KLHL29: variants seen among roughly 807,000 people sequenced by gnomAD.
KLHL29 encodes the protein kelch like family member 29.
Under a neutral mutation model 80.4 loss-of-function variants are expected in KLHL29, and 21 were observed. The observed-to-expected ratio is 0.26, with a 90% CI of 0.19 to 0.38. The LOEUF (loss-of-function observed/expected upper bound fraction) is 0.38. KLHL29 is among the 10% of genes least tolerant of loss of function. The probability of loss-of-function intolerance (pLI) is 1.00; values close to 1 mark genes in which losing one functional copy is unlikely to be tolerated. For missense variants in KLHL29, 867 were observed against 1,223.9 expected (o/e 0.71, Z 4.35); for synonymous variants, 511 against 526.8 (o/e 0.97, Z 0.41).
At chr2:23,666,616 A>C (rs1408855354) in intron 5 of KLHL29, among the ~76,000 whole-genome samples, 4 of 152,230 alleles carry the variant, frequency 2.6e-5, no homozygotes, top group African/African-American at 9.6e-5. Flanking sequence ...CTGGATATGC[A>C]AGGAGAGTCC....
At chr2:23,659,499 C>G (rs1670344734) in intron 5 of KLHL29, among the ~76,000 whole-genome samples, 1 of 152,190 alleles carries the variant, frequency 6.6e-6, no homozygotes, top group Non-Finnish European at 1.5e-5. Flanking sequence ...ATCTTCACTT[C>G]CATTCTCAGC....
At chr2:23,686,433 C>A (rs1418662168) in intron 6 of KLHL29, among the ~76,000 whole-genome samples, 1 of 152,070 alleles carries the variant, frequency 6.6e-6, no homozygotes, top group Admixed American at 6.5e-5. Context: ...TCCTCTCCTG[C>A]GCCCTGGGCT....
chr2:23,673,311 CAAG>C (rs1670820971), intron 5 of KLHL29, among the ~76,000 whole-genome samples: 1 of 150,164 alleles, frequency 6.7e-6, no homozygotes, highest in South Asian at 2.1e-4. Flanking sequence ...GCACTGTACA[CAAG>C]AGGACACACA....
chr2:23,489,045 A>G (rs1274593622), intron 2 of KLHL29, among the ~76,000 whole-genome samples: 1 of 152,196 alleles, frequency 6.6e-6, no homozygotes, highest in Non-Finnish European at 1.5e-5. Context: ...ACAGAAAATA[A>G]AAGTATTGTT....
chr2:23,523,492 C>T (rs1317288384), intron 2 of KLHL29, among the ~76,000 whole-genome samples: 5 of 152,212 alleles, frequency 3.3e-5, no homozygotes, highest in Non-Finnish European at 5.9e-5. Flanking sequence ...AGCTTCCCCC[C>T]GCCAAAATCC....
At chr2:23,643,177 C>G in intron 5 of KLHL29, 1 of 497,312 alleles carries the variant, frequency 2.0e-6, no homozygotes, top group Non-Finnish European at 3.8e-6. Flanking sequence ...AAGGCCAGGC[C>G]AAGCTGCAAA....
intron 3 of KLHL29, among the ~76,000 whole-genome samples, chr2:23,578,055 T>C (rs1381635237): frequency 6.6e-6 from 1 of 152,186 alleles, no homozygotes; most frequent in African/African-American, 2.4e-5. Flanking sequence ...CTCCCTATCA[T>C]TGGAGTGTTG....
At chr2:23,566,923 T>C (rs1007696745) in intron 3 of KLHL29, among the ~76,000 whole-genome samples, 4 of 151,402 alleles carry the variant, frequency 2.6e-5, no homozygotes, top group Non-Finnish European at 5.9e-5. Context: ...TGTCCCCCCC[T>C]GGTGGTTGGT....
intron 1 of KLHL29, among the ~76,000 whole-genome samples, chr2:23,391,721 T>C (rs1457309597): frequency 2.0e-5 from 3 of 152,196 alleles, no homozygotes; most frequent in African/African-American, 7.2e-5. Flanking sequence ...TTATAGGCAT[T>C]AGCCACCGCG....
chr2:23,451,344 T>A (rs1243969861), intron 1 of KLHL29, among the ~76,000 whole-genome samples: 1 of 152,200 alleles, frequency 6.6e-6, no homozygotes, highest in East Asian at 1.9e-4. Context: ...TCATCATCTT[T>A]CTTGTCCTGT....
chr2:23,480,448 C>T (rs1044605565), intron 2 of KLHL29, among the ~76,000 whole-genome samples: 2 of 152,010 alleles, frequency 1.3e-5, no homozygotes, highest in African/African-American at 2.4e-5. Flanking sequence ...GATCGCACCA[C>T]TGCACCACTC....
At chr2:23,611,075 A>G (rs190449312) in intron 3 of KLHL29, among the ~76,000 whole-genome samples, 35 of 152,264 alleles carry the variant, frequency 2.3e-4, no homozygotes, top group African/African-American at 7.0e-4. Context: ...AAAATGATCA[A>G]TGAGGAAATG....
chr2:23,471,049 C>T (rs374357013), intron 1 of KLHL29, among the ~76,000 whole-genome samples: 6 of 152,174 alleles, frequency 3.9e-5, no homozygotes, highest in Non-Finnish European at 5.9e-5. Context: ...TCAGAGGTGC[C>T]GCAGAGTCCC....
intron 2 of KLHL29, chr2:23,507,165 G>A (rs747883080): frequency 3.5e-5 from 14 of 404,614 alleles, no homozygotes; most frequent in South Asian, 1.1e-4. Flanking sequence ...GCTCACTCCC[G>A]TGCATGCCAT....
chr2:23,665,116 G>C (rs1318770243), intron 5 of KLHL29, among the ~76,000 whole-genome samples: 1 of 152,250 alleles, frequency 6.6e-6, no homozygotes, highest in Admixed American at 6.5e-5. Context: ...CTGAGTGTGA[G>C]AGCTCTTTTT....
At chr2:23,522,707 A>G (rs1019523267) in intron 2 of KLHL29, among the ~76,000 whole-genome samples, 1 of 152,032 alleles carries the variant, frequency 6.6e-6, no homozygotes, top group Non-Finnish European at 1.5e-5. Context: ...CTCTGGAGAG[A>G]GAGTTTCTTC....
At chr2:23,598,633 A>G (rs998193879) in intron 3 of KLHL29, among the ~76,000 whole-genome samples, 1 of 152,240 alleles carries the variant, frequency 6.6e-6, no homozygotes, top group African/African-American at 2.4e-5. Context: ...TGGGGTCTGC[A>G]GCAGAGAAGA....
chr2:23,433,035 C>A (rs543702836), intron 1 of KLHL29, among the ~76,000 whole-genome samples: 113 of 152,264 alleles, frequency 7.4e-4, no homozygotes, highest in African/African-American at 2.6e-3. Flanking sequence ...TGATTCCTTG[C>A]TGACATTCAG....
intron 1 of KLHL29, among the ~76,000 whole-genome samples, chr2:23,395,916 T>C (rs1247565664): frequency 6.6e-6 from 1 of 152,212 alleles, no homozygotes; most frequent in African/African-American, 2.4e-5. Context: ...GAGCTAATCA[T>C]GCAAGGTAGG....
Sources: gnomAD v4.1 joint callset for allele counts (sites outside exome capture counted in the v4.1 genomes callset) on GRCh38, gnomAD v4.1.1 for gene constraint, MANE v1.5 for transcripts, NCBI Gene and HGNC (gene_info 2026-07-23, HGNC 2026-07-21) for gene names.